The following VWC2L variants were observed in gnomAD, a reference collection of about 807,000 sequenced individuals.
VWC2L encodes the protein von Willebrand factor C domain-containing protein 2-like.
Under a neutral mutation model 21.6 loss-of-function variants are expected in VWC2L, and 10 were observed. That is an observed-to-expected ratio of 0.46 (90% CI 0.29 to 0.78). The LOEUF is 0.78. Ranked by LOEUF, VWC2L falls within the 30% of genes least tolerant of loss-of-function variation. VWC2L has a pLI of 0.10. For missense variants in VWC2L, 209 were observed against 277.1 expected (o/e 0.75, Z 1.74); for synonymous variants, 96 against 94.3 (o/e 1.02, Z -0.10).
intron 3 of VWC2L, among the ~76,000 whole-genome samples, chr2:214,568,219 C>G (rs1040941849): frequency 3.3e-5 from 5 of 152,164 alleles, no homozygotes; most frequent in African/African-American, 9.7e-5. Context: ...TAGTTTCCCA[C>G]TCTGGATCTA....
intron 3 of VWC2L, among the ~76,000 whole-genome samples, chr2:214,541,604 G>A (rs886902894): frequency 3.3e-5 from 5 of 152,128 alleles, no homozygotes; most frequent in Non-Finnish European, 5.9e-5. Context: ...TTTGGGCTAG[G>A]GTAGTTTTCA....
intron 2 of VWC2L, among the ~76,000 whole-genome samples, chr2:214,416,079 C>T (rs1702350552): frequency 1.3e-5 from 2 of 152,018 alleles, no homozygotes; most frequent in African/African-American, 4.8e-5. Context: ...TTCTAACCTG[C>T]ATTTATATCT....
intron 3 of VWC2L, among the ~76,000 whole-genome samples, chr2:214,516,317 C>A (rs1689142792): frequency 6.6e-6 from 1 of 152,096 alleles, no homozygotes; most frequent in African/African-American, 2.4e-5. Flanking sequence ...GCCCTCATCC[C>A]CTGCCTCCTA....
chr2:214,553,683 T>A (rs1185090140), intron 3 of VWC2L, among the ~76,000 whole-genome samples: 2 of 152,182 alleles, frequency 1.3e-5, no homozygotes, highest in East Asian at 3.8e-4. Flanking sequence ...ATATTGATGT[T>A]AATGCTGGTC....
intron 1 of VWC2L, 64 bp from the exon 2 acceptor site, chr2:214,414,050 G>T: frequency 1.1e-6 from 1 of 919,698 alleles, no homozygotes; most frequent in South Asian, 2.0e-5. Context: ...AAGAGCGTGG[G>T]CTTAAATGAA....
intron 3 of VWC2L, chr2:214,472,296 G>A (rs935253785): frequency 2.6e-5 from 4 of 152,140 alleles, no homozygotes; most frequent in Non-Finnish European, 4.4e-5. Context: ...TAGTGAAAGC[G>A]AGTGGCTCCC....
At chr2:214,567,924 A>G (rs1690094056) in intron 3 of VWC2L, among the ~76,000 whole-genome samples, 1 of 152,224 alleles carries the variant, frequency 6.6e-6, no homozygotes, top group African/African-American at 2.4e-5. Context: ...ACAAAATTGC[A>G]TGTTATCAAC....
intron 3 of VWC2L, among the ~76,000 whole-genome samples, chr2:214,477,260 G>T (rs1258069643): frequency 2.0e-5 from 3 of 152,142 alleles, no homozygotes; most frequent in African/African-American, 7.2e-5. Flanking sequence ...AGCAATGTTG[G>T]GAAATTCCCC....
At chr2:214,432,255 G>A (rs1176572301) in intron 2 of VWC2L, among the ~76,000 whole-genome samples, 1 of 152,208 alleles carries the variant, frequency 6.6e-6, no homozygotes, top group Non-Finnish European at 1.5e-5. Context: ...TCTAGGTGCT[G>A]AGAATACAAC....
At chr2:214,520,070 C>CACACACACAA (rs1255267125) in intron 3 of VWC2L, among the ~76,000 whole-genome samples, 9 of 151,166 alleles carry the variant, frequency 6.0e-5, no homozygotes, top group Non-Finnish European at 1.3e-4. Flanking sequence ...CACACACACA[C>CACACACACAA]ACACACACAC....
At chr2:214,485,303 TC>T (rs1688660341) in intron 3 of VWC2L, among the ~76,000 whole-genome samples, 2 of 152,128 alleles carry the variant, frequency 1.3e-5, no homozygotes, top group South Asian at 4.2e-4. Context: ...CAAGACTCTG[TC>T]TTTAAAAAAA....
At chr2:214,479,005 GAGGGTTC>G (rs1224277247) in intron 3 of VWC2L, among the ~76,000 whole-genome samples, 4 of 152,148 alleles carry the variant, frequency 2.6e-5, no homozygotes, top group African/African-American at 9.7e-5. Context: ...AGTGAGACAT[GAGGGTTC>G]AGGCAGAACA....
intron 3 of VWC2L, among the ~76,000 whole-genome samples, chr2:214,463,438 T>C (rs530317643): frequency 1.3e-5 from 2 of 152,282 alleles, no homozygotes; most frequent in East Asian, 3.9e-4. Context: ...ATCCTCATTC[T>C]ACTTCTATTT....
intron 3 of VWC2L, among the ~76,000 whole-genome samples, chr2:214,560,845 C>G (rs1689956060): frequency 6.6e-6 from 1 of 152,184 alleles, no homozygotes; most frequent in South Asian, 2.1e-4. Context: ...AATGACAGCT[C>G]AAAGGCTGAT....
At chr2:214,483,804 T>A (rs1292786564) in intron 3 of VWC2L, among the ~76,000 whole-genome samples, 1 of 152,180 alleles carries the variant, frequency 6.6e-6, no homozygotes, top group African/African-American at 2.4e-5. Context: ...GGGATGGGGC[T>A]GCACAAGACA....
At chr2:214,567,615 G>GAGAGAGAGAGAGAT (rs71037379) in intron 3 of VWC2L, among the ~76,000 whole-genome samples, 1 of 131,964 alleles carries the variant, frequency 7.6e-6, no homozygotes, top group African/African-American at 2.7e-5. Flanking sequence ...GAGAGAGAGA[G>GAGAGAGAGAGAGAT]ATAATTAAAA....
At chr2:214,436,496 C>G in intron 2 of VWC2L, 133 bp from the exon 3 acceptor site, 1 of 1,170,650 alleles carries the variant, frequency 8.5e-7, no homozygotes, top group Non-Finnish European at 1.2e-6. Flanking sequence ...GGAGAATGAT[C>G]GTAGACATGG....
intron 3 of VWC2L, among the ~76,000 whole-genome samples, chr2:214,559,867 C>T (rs920793759): frequency 2.6e-5 from 4 of 152,166 alleles, no homozygotes; most frequent in African/African-American, 9.7e-5. Flanking sequence ...TCCCAAAGTG[C>T]TGGGATTATA....
intron 3 of VWC2L, among the ~76,000 whole-genome samples, chr2:214,512,910 A>G (rs1354452717): frequency 6.6e-6 from 1 of 152,122 alleles, no homozygotes; most frequent in Non-Finnish European, 1.5e-5. Context: ...GTCCTCCTGA[A>G]ACATCACTGG....
Sources: gnomAD v4.1 joint callset for allele counts (sites outside exome capture counted in the v4.1 genomes callset) on GRCh38, gnomAD v4.1.1 for gene constraint, MANE v1.5 for transcripts, NCBI Gene and HGNC (gene_info 2026-07-23, HGNC 2026-07-21) for gene names.